EPHA3: variants seen among roughly 807,000 people sequenced by gnomAD.
EPHA3 encodes EPH receptor A3, also known as ephrin type-A receptor 3.
In EPHA3, 42 loss-of-function variants were observed where a neutral mutation model predicts 107.1. The observed-to-expected ratio is 0.39, with a 90% CI of 0.31 to 0.51. The LOEUF (loss-of-function observed/expected upper bound fraction) is 0.51, where lower values mean the gene tolerates loss of function less well. Ranked by LOEUF, EPHA3 falls within the 20% of genes least tolerant of loss-of-function variation. The pLI is 0.78. For missense variants in EPHA3, 1,183 were observed against 1,211.2 expected (o/e 0.98, Z 0.35); for synonymous variants, 461 against 424.8 (o/e 1.09, Z -1.05).
At chr3:89,162,740 G>C (rs982789146) in intron 2 of EPHA3, among the ~76,000 whole-genome samples, 1 of 152,160 alleles carries the variant, frequency 6.6e-6, no homozygotes, top group African/African-American at 2.4e-5. Flanking sequence ...GAACTGAGAG[G>C]GGCTTTTAGA....
At chr3:89,304,978 C>A (rs1706579929) in intron 3 of EPHA3, among the ~76,000 whole-genome samples, 1 of 152,052 alleles carries the variant, frequency 6.6e-6, no homozygotes, top group African/African-American at 2.4e-5. Flanking sequence ...TGATGTTGGC[C>A]TTCTTTAGCC....
At chr3:89,469,963 T>C (rs1311320627) in intron 15 of EPHA3, among the ~76,000 whole-genome samples, 2 of 152,124 alleles carry the variant, frequency 1.3e-5, no homozygotes, top group African/African-American at 4.8e-5. Flanking sequence ...AATATGAAGT[T>C]CTAGTTTTAA....
At chr3:89,353,080 T>G (rs1707867121) in intron 5 of EPHA3, among the ~76,000 whole-genome samples, 1 of 151,104 alleles carries the variant, frequency 6.6e-6, no homozygotes, top group Non-Finnish European at 1.5e-5. Context: ...AAGAAATAAC[T>G]CATGTTGAAG....
intron 3 of EPHA3, among the ~76,000 whole-genome samples, chr3:89,231,093 G>A (rs918205635): frequency 6.6e-6 from 1 of 151,886 alleles, no homozygotes. Context: ...TTATGTAATG[G>A]GGGAATAGAC....
intron 2 of EPHA3, among the ~76,000 whole-genome samples, chr3:89,168,499 A>G (rs1172342189): frequency 1.3e-5 from 2 of 152,158 alleles, no homozygotes; most frequent in East Asian, 3.8e-4. Flanking sequence ...TATTTATACC[A>G]AATTTTTACA....
rs1044708009 is a variant in EPHA3, at chr3:89,255,232, C to T, written c.814+44712C>T. ...AAGTCTATGGTAGCATTTTATTACA[C>T]GTATGACCACACATTTCATTGTCAG... On this transcript the variant is annotated intron_variant, in intron 3 of 16. Transcript: ENST00000336596. 3.3e-4 allele frequency among the ~76,000 whole-genome samples: 50 copies of T among 152,270 alleles called. 1 individual carries two copies. Among genetic ancestry groups the T allele is most frequent in the African/African-American group, 8.9e-4 (37 of 41,560 alleles).
intron 3 of EPHA3, among the ~76,000 whole-genome samples, chr3:89,325,796 C>T (rs1400008092): frequency 2.0e-5 from 3 of 151,980 alleles, no homozygotes; most frequent in Admixed American, 6.6e-5. Flanking sequence ...AATTCACTTA[C>T]TCCATTTCTT....
chr3:89,204,701 TG>T, intron 2 of EPHA3, among the ~76,000 whole-genome samples: 1 of 152,154 alleles, frequency 6.6e-6, no homozygotes, highest in East Asian at 1.9e-4. Context: ...TAATGATTTT[TG>T]TAGATATATT....
chr3:89,335,788 C>G (rs1378065132), intron 3 of EPHA3, among the ~76,000 whole-genome samples: 2 of 152,286 alleles, frequency 1.3e-5, no homozygotes, highest in African/African-American at 4.8e-5. Flanking sequence ...AGATTTTAAA[C>G]TATTCAATCA....
intron 2 of EPHA3, among the ~76,000 whole-genome samples, chr3:89,189,735 C>G (rs1705658242): frequency 6.6e-6 from 1 of 152,184 alleles, no homozygotes; most frequent in Admixed American, 6.5e-5. Context: ...CAAAACAGAA[C>G]CCTTGCTTTC....
chr3:89,211,616 C>G (rs539862088), intron 3 of EPHA3, among the ~76,000 whole-genome samples: 1 of 152,002 alleles, frequency 6.6e-6, no homozygotes, highest in East Asian at 1.9e-4. Context: ...TAATATTTTG[C>G]TTTTGACTGT....
At chr3:89,128,949 G>C (rs1041981162) in intron 2 of EPHA3, among the ~76,000 whole-genome samples, 14 of 152,140 alleles carry the variant, frequency 9.2e-5, no homozygotes, top group African/African-American at 3.4e-4. Flanking sequence ...TATGTTGGAG[G>C]TAGACAGTGG....
intron 2 of EPHA3, among the ~76,000 whole-genome samples, chr3:89,179,103 A>T (rs1705381840): frequency 6.6e-6 from 1 of 151,932 alleles, no homozygotes; most frequent in Middle Eastern, 3.2e-3. Context: ...CTAATGAACC[A>T]TTTGAGTAGT....
intron 2 of EPHA3, among the ~76,000 whole-genome samples, chr3:89,173,114 T>A (rs1460731983): frequency 2.0e-5 from 3 of 152,170 alleles, no homozygotes; most frequent in Non-Finnish European, 2.9e-5. Flanking sequence ...CCAAAAAAGA[T>A]GAGTTTTTTG....
rs535333404 is a variant in EPHA3 at position 89,198,136 on chromosome 3, A to C, written c.154-11724A>C. 3.3e-4 allele frequency among the ~76,000 whole-genome samples: 51 copies of C among 152,304 alleles called. No homozygotes were observed. In the South Asian group the frequency reaches 0.01, roughly 31 times the overall value. On this transcript the variant is annotated intron_variant, in intron 2 of 16. Transcript: ENST00000336596. ...GAAACAGAAACTCCAGCAAGTGAAA[A>C]GGAATAATAAATAGACAAACTTTGA...
chr3:89,375,225 A>G (rs546512306), intron 5 of EPHA3, among the ~76,000 whole-genome samples: 5 of 151,628 alleles, frequency 3.3e-5, no homozygotes, highest in Admixed American at 6.6e-5. Context: ...TGTCTTGAAA[A>G]CCCAAATAAA....
At chr3:89,397,543 T>C (rs1708874235) in intron 6 of EPHA3, among the ~76,000 whole-genome samples, 2 of 152,092 alleles carry the variant, frequency 1.3e-5, no homozygotes, top group Non-Finnish European at 2.9e-5. Context: ...GCTGCCTTAT[T>C]TCAAACTCCC....
intron 5 of EPHA3, among the ~76,000 whole-genome samples, chr3:89,369,342 G>A (rs1011368248): frequency 2.0e-5 from 3 of 150,580 alleles, no homozygotes; most frequent in African/African-American, 7.3e-5. Context: ...CAGAAATAAT[G>A]CCACGTATCT....
rs116431920 is a variant in EPHA3, at chr3:89,199,946, T to G, written c.154-9914T>G. Among the ~76,000 whole-genome samples the G allele has an allele frequency of 4.8e-3, 738 of 152,332 alleles. 12 individuals carry two copies. Among genetic ancestry groups the G allele is most frequent in the African/African-American group, 0.017 (702 of 41,578 alleles). ...TTAAAATAGGGCGCTTACTTGGTTTTAGGCACAGGGCTAGATGCTTGGGAG... is the reference window on the plus strand; with the variant it reads ...TTAAAATAGGGCGCTTACTTGGTTTGAGGCACAGGGCTAGATGCTTGGGAG... On this transcript the variant is annotated intron_variant, in intron 2 of 16. Transcript: ENST00000336596.
Sources: gnomAD v4.1 joint callset for allele counts (sites outside exome capture counted in the v4.1 genomes callset) on GRCh38, gnomAD v4.1.1 for gene constraint, MANE v1.5 for transcripts, NCBI Gene and HGNC (gene_info 2026-07-23, HGNC 2026-07-21) for gene names.